The following BRD4 variants were observed in gnomAD, a reference collection of about 807,000 sequenced individuals.
BRD4 encodes the protein bromodomain-containing protein 4.
Under a neutral mutation model 142.1 loss-of-function variants are expected in BRD4, and 16 were observed. The ratio of observed to expected loss-of-function variants is 0.11; its 90% CI spans 0.08 to 0.17. The LOEUF is 0.17. Among genes scored for constraint, BRD4 ranks in the 10% least tolerant of loss-of-function variants. The pLI, the probability that BRD4 is intolerant of heterozygous loss-of-function variation, is 1.00. For synonymous variants in BRD4, 833 were observed against 707.5 expected, an observed-to-expected ratio of 1.18 and a Z score of -2.82; for missense variants, 1,424 against 1,810.9, an observed-to-expected ratio of 0.79 and a Z score of 3.88.
intron 1 of BRD4, among the ~76,000 whole-genome samples, chr19:15,322,867 CAA>C (rs71333367): frequency 1.5e-4 from 10 of 65,488 alleles, no homozygotes; most frequent in Non-Finnish European, 2.4e-4. Context: ...ACTCTGTCTC[CAA>C]AAAAAAAAAA....
At chr19:15,243,728 A>G (rs1000166241) in intron 13 of BRD4, among the ~76,000 whole-genome samples, 1 of 152,050 alleles carries the variant, frequency 6.6e-6, no homozygotes, top group Non-Finnish European at 1.5e-5. Flanking sequence ...CCTGCTCCCC[A>G]TGCTCACAAT....
Position 15,289,019 on chromosome 19 carries a change from T to C in BRD4, c.-34-15886A>G, listed in dbSNP as rs939617650. Among the ~76,000 whole-genome samples the C allele has an allele frequency of 5.9e-5, 9 of 152,248 alleles. No individual in the cohort carries two copies. The East Asian group carries it at 1.2e-3, about 20-fold the overall frequency. Reference sequence around the variant, plus strand: ...TACAGTCTCTTGGTCCATAACAACCTAGGGAAAGCAAACTACAGAACCACG... The same window carrying C: ...TACAGTCTCTTGGTCCATAACAACCCAGGGAAAGCAAACTACAGAACCACG... On this transcript the variant is annotated intron_variant, in intron 1 of 19. Transcript: ENST00000679869.
chr19:15,317,301 G>A (rs1025000873), intron 1 of BRD4, among the ~76,000 whole-genome samples: 2 of 152,182 alleles, frequency 1.3e-5, no homozygotes, highest in Non-Finnish European at 2.9e-5. Flanking sequence ...ACAATCAGCA[G>A]CAGTGTGCTC....
chr19:15,316,155 CAAAAAAAAAAAAAA>C (rs980486654), intron 1 of BRD4, among the ~76,000 whole-genome samples: 1 of 33,054 alleles, frequency 3.0e-5, no homozygotes, highest in African/African-American at 1.2e-4. Flanking sequence ...GACACCGTCT[CAAAAAAAAAAAAAA>C]AAAAAAAAAA....
At chr19:15,272,428 G>T (rs1298540216) in intron 2 of BRD4, among the ~76,000 whole-genome samples, 1 of 152,188 alleles carries the variant, frequency 6.6e-6, no homozygotes, top group Non-Finnish European at 1.5e-5. Flanking sequence ...AGCATAGTTT[G>T]ATCAACTACG....
rs1360810791 is a variant in BRD4 at position 15,254,248 on chromosome 19, C to A, written c.2062G>T (p.Val688Leu). The change falls in exon 11 of 20, where the codon GTG becomes TTG. Residue 688 changes from valine to leucine, a missense_variant. By Grantham distance (32) the Val-to-Leu change is conservative. Transcript: ENST00000679869. ...TTCATCTTGGAGGAGCCGGCAATCA[C>A]ATCAACTTTCTCAGCTGCAATCCAA... ...KRKPQAEKVD[V>L]IAGSSKMKGF... 1.2e-6 allele frequency: 2 copies of A among 1,614,210 alleles called. No homozygotes were observed. Among genetic ancestry groups the A allele is most frequent in the Non-Finnish European group, 1.7e-6 (2 of 1,180,034 alleles).
intron 1 of BRD4, among the ~76,000 whole-genome samples, chr19:15,297,150 CA>C (rs559977874): frequency 6.6e-6 from 1 of 152,208 alleles, no homozygotes; most frequent in Non-Finnish European, 1.5e-5. Context: ...CTTTGACACA[CA>C]AAGTCACAGG....
chr19:15,317,682 TA>T (rs2145724050), intron 1 of BRD4, among the ~76,000 whole-genome samples: 1 of 151,752 alleles, frequency 6.6e-6, no homozygotes, highest in East Asian at 1.9e-4. Flanking sequence ...CCAGAAAGGG[TA>T]AACCAGCTCT....
chr19:15,239,122 G>A lies in BRD4; in HGVS notation c.3719C>T (p.Ala1240Val). ...AGCGTGCTCGGCCTGAGCCTTCAGG[G>A]CCTTCTCACGCTCCTCTTTCTCCCG... The part of the protein sequence containing the change: ...AAREKEEREK[A>V]LKAQAEHAEK... The change falls in exon 18 of 20, where the codon GCC becomes GTC. Residue 1240 changes from alanine (A) to valine (V), a missense_variant. By Grantham distance (64) the Ala-to-Val change is moderately conservative. Coordinates refer to ENST00000679869, the MANE Select transcript of BRD4 (RefSeq NM_001379291.1). This position sits in a 1 kb window ranked among gnomAD's most constrained non-coding sequence, Gnocchi z 7.4. 6.2e-7 allele frequency: 1 copy of A among 1,610,302 alleles called. No individual in the cohort carries two copies. Among genetic ancestry groups the A allele is most frequent in the Non-Finnish European group, 8.5e-7 (1 of 1,179,660 alleles).
chr19:15,313,373 TAAAA>T (rs33991091), intron 1 of BRD4, among the ~76,000 whole-genome samples: 2 of 99,986 alleles, frequency 2.0e-5, no homozygotes, highest in African/African-American at 4.0e-5. Flanking sequence ...ACTCCATCTT[TAAAA>T]AAAAAAAAAA....
chr19:15,238,836 G>A lies in BRD4; in HGVS notation c.3927C>T (p.Thr1309=), dbSNP rs61740415. 7.7e-4 allele frequency: 1,229 copies of A among 1,603,344 alleles called. 19 individuals are homozygous for A. The African/African-American group carries it at 0.014, about 18-fold the overall frequency. ...GGGGCTGGGAGCTCTGGGCCTGTGGGGTGGCGGCGGCAGCCACCGCAGCTG... is the reference window on the plus strand; with the variant it reads ...GGGGCTGGGAGCTCTGGGCCTGTGGAGTGGCGGCGGCAGCCACCGCAGCTG... ...QQAAAVAAAA[T]PQAQSSQPQS... is the part of the protein sequence containing the mutation. Residue 1309 remains threonine (T), a synonymous_variant, in exon 19 of 20, where the codon ACC becomes ACT. Transcript: ENST00000679869. The surrounding 1 kb of genome is among the most constrained non-coding windows in gnomAD (Gnocchi z 7.2).
intron 1 of BRD4, among the ~76,000 whole-genome samples, chr19:15,317,462 G>C (rs2048026703): frequency 6.6e-6 from 1 of 152,150 alleles, no homozygotes; most frequent in Admixed American, 6.5e-5. Flanking sequence ...AAAAAATTAA[G>C]GAAGATGTCA....
chr19:15,263,205 G>A (rs1028151843), intron 7 of BRD4, among the ~76,000 whole-genome samples: 6 of 152,222 alleles, frequency 3.9e-5, no homozygotes, highest in Non-Finnish European at 8.8e-5. Context: ...TGCTGGTGGA[G>A]GGGGCTTGCA....
At position 15,256,159 on chromosome 19, in the gene BRD4, T is replaced by C; in HGVS notation, c.1656A>G (p.Lys552=). The C allele has an allele frequency of 6.2e-7, 1 of 1,612,388 alleles. No individual in the cohort carries two copies. Among genetic ancestry groups the C allele is most frequent in the African/African-American group, 1.3e-5 (1 of 74,956 alleles). ...TATTCTCTTCCACTTCCTCTTTCCT[T>C]TTGTGCTTTTCTTTTTTCTTTTCCT... ...DKKEKKKEKH[K]RKEEVEENKK... is the part of the protein sequence containing the mutation. Residue 552 remains lysine, a synonymous_variant, in exon 9 of 20, where the codon AAA becomes AAG. Transcript: ENST00000679869.
chr19:15,331,055 C>T (rs1470009244), intron 1 of BRD4, among the ~76,000 whole-genome samples: 1 of 152,070 alleles, frequency 6.6e-6, no homozygotes, highest in Non-Finnish European at 1.5e-5. Context: ...GCATACATTC[C>T]AAGGGGTCAC....
chr19:15,331,948 GCCCGCCCCCGA>G (rs1478636673), intron 1 of BRD4: 2 of 36,066 alleles, frequency 5.5e-5, no homozygotes, highest in African/African-American at 9.9e-5. Context: ...CCCGCCCCCC[GCCCGCCCCCGA>G]CCGCCGGCCC....
intron 1 of BRD4, among the ~76,000 whole-genome samples, chr19:15,296,304 C>T (rs1041271468): frequency 3.9e-5 from 6 of 152,152 alleles, no homozygotes; most frequent in Non-Finnish European, 8.8e-5. Flanking sequence ...AGCAAGGCTG[C>T]GAGATACACA....
At chr19:15,269,117 C>A in intron 2 of BRD4, 75 bp from the exon 3 acceptor site, 1 of 1,557,514 alleles carries the variant, frequency 6.4e-7, no homozygotes, top group South Asian at 1.2e-5. Flanking sequence ...GCCAGGCTGG[C>A]CTGGGGACCT....
rs373309106 is a variant in BRD4 at position 15,239,928 on chromosome 19, G to A, written c.3264C>T (p.Asn1088=). Residue 1088 remains asparagine, a synonymous_variant, in exon 15 of 20, where the codon AAC becomes AAT. Transcript: ENST00000679869. The surrounding 1 kb of genome is among the most constrained non-coding windows in gnomAD (Gnocchi z 7.4). ...CAGTTACCTGTTTCTTAGGCTGGAC[G>A]TTTTGCTGGGGTGGAGACTGGTGGG... The part of the protein sequence containing the change: ...SLTHQSPPQQ[N]VQPKKQELRA... 24 of 1,613,990 alleles carry A rather than the reference G, an allele frequency of 1.5e-5. No homozygotes were observed. The highest frequency in any genetic ancestry group is 1.8e-5 in the Non-Finnish European group (21 of 1,180,034).
Sources: allele counts gnomAD v4.1 joint callset (sites outside exome capture counted in the v4.1 genomes callset), GRCh38; gene constraint gnomAD v4.1.1; non-coding constraint Gnocchi (gnomAD v3.1); transcripts MANE v1.5; gene names NCBI Gene and HGNC (gene_info 2026-07-23, HGNC 2026-07-21).